Variants in SLC37A1 observed in about 807,000 individuals in gnomAD.
SLC37A1 encodes the protein solute carrier family 37 member 1.
In SLC37A1, 49 loss-of-function variants were observed where a neutral mutation model predicts 75.3. The ratio of observed to expected loss-of-function variants is 0.65; its 90% CI spans 0.52 to 0.83. The LOEUF (loss-of-function observed/expected upper bound fraction) is 0.83, where lower values mean the gene tolerates loss of function less well. Among genes scored for constraint, SLC37A1 ranks in the 40% least tolerant of loss-of-function variants. The pLI, the probability that SLC37A1 is intolerant of heterozygous loss-of-function variation, is 0.00. For missense variants in SLC37A1, 566 were observed against 695.0 expected, an observed-to-expected ratio of 0.81 and a Z score of 2.09; for synonymous variants, 268 against 292.1, an observed-to-expected ratio of 0.92 and a Z score of 0.84.
intron 8 of SLC37A1, 45 bp downstream of exon 8, chr21:42,543,647 G>A (rs765874550): frequency 1.1e-5 from 17 of 1,538,310 alleles, no homozygotes; most frequent in African/African-American, 4.2e-5. Context: ...GGGAGGCCTC[G>A]GATTTCCCTG....
intron 13 of SLC37A1, among the ~76,000 whole-genome samples, 163 bp downstream of exon 13, chr21:42,564,040 T>C (rs2055905853): frequency 6.6e-6 from 1 of 151,992 alleles, no homozygotes; most frequent in Admixed American, 6.6e-5. Context: ...GGTTTTATTG[T>C]CTCCCGTCCC....
chr21:42,523,166 G>C (rs1394345549), intron 2 of SLC37A1, among the ~76,000 whole-genome samples: 1 of 152,192 alleles, frequency 6.6e-6, no homozygotes, highest in Non-Finnish European at 1.5e-5. Flanking sequence ...CTGTAGAACT[G>C]GCACTGTGGT....
chr21:42,579,612 G>A (rs1379813361), intron 18 of SLC37A1, 124 bp from the exon 19 acceptor site: 24 of 539,088 alleles, frequency 4.5e-5, no homozygotes, highest in Admixed American at 8.9e-5. Context: ...CCACCCCAGG[G>A]AAGGTGCTGT....
At chr21:42,555,902 G>A (rs4568034) in intron 10 of SLC37A1, among the ~76,000 whole-genome samples, 23,628 of 152,214 alleles carry the variant, frequency 0.16, 2,828 homozygotes, top group African/African-American at 0.33. Context: ...CCCTTTCGGC[G>A]GGCCTGCCAT....
In SLC37A1 at chr21:42,552,866, C is replaced by G. The variant is rs2055591627; in HGVS notation, c.769-1196C>G. Among the ~76,000 whole-genome samples the G allele has an allele frequency of 6.6e-6, 1 of 152,208 alleles. No homozygotes were observed. Among genetic ancestry groups the G allele is most frequent in the Non-Finnish European group, 1.5e-5 (1 of 68,042 alleles). On this transcript the variant is annotated intron_variant, in intron 9 of 19. Coordinates refer to ENST00000352133, the MANE Select transcript of SLC37A1 (RefSeq NM_001320537.2). The surrounding 1 kb of genome is among the most constrained non-coding windows in gnomAD (Gnocchi z 4.2). ...GGACGGGGGGCCGAGTGCTGGGGAG[C>G]AGGAACCCATCTCTGCTTCTGCCTG...
At chr21:42,557,439 C>T (rs981109647) in intron 10 of SLC37A1, among the ~76,000 whole-genome samples, 8 of 152,274 alleles carry the variant, frequency 5.3e-5, no homozygotes, top group African/African-American at 7.2e-5. Flanking sequence ...AAACTCAAGT[C>T]GCCATTCTTT....
At chr21:42,521,900 G>A (rs1035146541) in intron 2 of SLC37A1, among the ~76,000 whole-genome samples, 1 of 152,200 alleles carries the variant, frequency 6.6e-6, no homozygotes, top group Non-Finnish European at 1.5e-5. Flanking sequence ...GAAACAACAG[G>A]AATTTACCCT....
chr21:42,544,290 G>GGA (rs1456691924), intron 8 of SLC37A1, among the ~76,000 whole-genome samples: 1 of 152,184 alleles, frequency 6.6e-6, no homozygotes, highest in Non-Finnish European at 1.5e-5. Context: ...CCATATGGCA[G>GGA]GAGACAGCTC....
chr21:42,567,419 A>G (rs771563450), intron 16 of SLC37A1, among the ~76,000 whole-genome samples: 6 of 152,348 alleles, frequency 3.9e-5, no homozygotes, highest in Non-Finnish European at 8.8e-5. Flanking sequence ...CTTCTCATCC[A>G]GGTACCATGC....
rs757010294 is a variant in SLC37A1 at position 42,568,441 on chromosome 21, GCGCA to G, written c.1423+4_1423+7del. Reference sequence around the variant, plus strand: ...CATTGACGGGACGGGCTCTGTAGGTGCGCAGAGAGTTTTAGCTCTGGGAGGTTTG... The same window carrying G: ...CATTGACGGGACGGGCTCTGTAGGTGGAGAGTTTTAGCTCTGGGAGGTTTG... On this transcript the variant is annotated splice_donor_5th_base_variant and intron_variant, in intron 17 of 19. Transcript: ENST00000352133. 1.9e-6 allele frequency: 3 copies of G among 1,613,680 alleles called. No homozygotes were observed. The Admixed American group carries it at 5.0e-5, about 27-fold the overall frequency.
intron 17 of SLC37A1, among the ~76,000 whole-genome samples, chr21:42,571,523 GT>G (rs1420723706): frequency 3.3e-5 from 5 of 152,132 alleles, no homozygotes; most frequent in Non-Finnish European, 5.9e-5. Context: ...GCGGCGTTCC[GT>G]CCCCCTCCCC....
chr21:42,578,589 G>C (rs929108400), intron 18 of SLC37A1, among the ~76,000 whole-genome samples: 4 of 152,142 alleles, frequency 2.6e-5, no homozygotes, highest in African/African-American at 9.7e-5. Context: ...TCACACAGAT[G>C]GATTTATTTA....
Position 42,548,682 on chromosome 21 carries a change from G to A in SLC37A1, c.768+1542G>A, listed in dbSNP as rs61667899. On this transcript the variant is annotated intron_variant, in intron 9 of 19. Coordinates refer to ENST00000352133, the MANE Select transcript of SLC37A1 (RefSeq NM_001320537.2). The surrounding 1 kb of genome is among the most constrained non-coding windows in gnomAD (Gnocchi z 5.6). ...TCTTCACACCGCACTTGCAGAGACTGTATTGATACAGACGCCAGAGCACAT... is the reference window on the plus strand; with the variant it reads ...TCTTCACACCGCACTTGCAGAGACTATATTGATACAGACGCCAGAGCACAT... Among the ~76,000 whole-genome samples the A allele has an allele frequency of 0.065, 9,853 of 152,252 alleles. 1,042 individuals carry two copies. The highest frequency in any genetic ancestry group is 0.22 in the African/African-American group (9,328 of 41,514).
chr21:42,563,552 C>T (rs1306220765), intron 12 of SLC37A1, among the ~76,000 whole-genome samples: 4 of 152,176 alleles, frequency 2.6e-5, no homozygotes, highest in Non-Finnish European at 4.4e-5. Context: ...AACTTTATGG[C>T]GGAGGGGCCC....
chr21:42,549,142 C>T lies in SLC37A1; in HGVS notation c.768+2002C>T, dbSNP rs143331776. Among the ~76,000 whole-genome samples, 547 of 152,264 alleles carry T rather than the reference C, an allele frequency of 3.6e-3. 5 individuals are homozygous for T. The highest frequency in any genetic ancestry group is 8.4e-3 in the Admixed American group (128 of 15,300). ...TGCCGTGAAGTAGCTTAAAGCTGCC[C>T]GGACCAGCCGTCTTGAGACTGGGGA... On this transcript the variant is annotated intron_variant, in intron 9 of 19. Coordinates refer to ENST00000352133, the MANE Select transcript of SLC37A1 (RefSeq NM_001320537.2).
chr21:42,552,214 C>G lies in SLC37A1; in HGVS notation c.769-1848C>G, dbSNP rs546435617. Among the ~76,000 whole-genome samples the G allele has an allele frequency of 3.3e-5, 5 of 152,294 alleles. No homozygotes were observed. The East Asian group carries it at 9.6e-4, about 29-fold the overall frequency. On this transcript the variant is annotated intron_variant, in intron 9 of 19. Coordinates refer to ENST00000352133, the MANE Select transcript of SLC37A1 (RefSeq NM_001320537.2). The surrounding 1 kb of genome is among the most constrained non-coding windows in gnomAD (Gnocchi z 4.2). ...CCTAGGTTACTTAGGTTTAGGATAT[C>G]TATTTTGTGCCCTAATCTAGGACCT...
chr21:42,520,061 T>C (rs980411694), intron 2 of SLC37A1, among the ~76,000 whole-genome samples: 3 of 152,182 alleles, frequency 2.0e-5, no homozygotes, highest in East Asian at 1.9e-4. Flanking sequence ...TCATACCCTC[T>C]TATTTGTAAA....
chr21:42,561,896 C>G, intron 11 of SLC37A1, 182 bp from the exon 12 acceptor site: 3 of 589,064 alleles, frequency 5.1e-6, no homozygotes, highest in South Asian at 2.1e-5. Flanking sequence ...CCACTGTTCC[C>G]GCGTCCTCAC....
At chr21:42,554,601 G>A (rs547229877) in intron 10 of SLC37A1, among the ~76,000 whole-genome samples, 2 of 152,310 alleles carry the variant, frequency 1.3e-5, no homozygotes, top group Admixed American at 6.5e-5. Context: ...GGTGAGGGGC[G>A]CACGGTGGGC....
Sources: allele counts gnomAD v4.1 joint callset (sites outside exome capture counted in the v4.1 genomes callset), GRCh38; gene constraint gnomAD v4.1.1; non-coding constraint Gnocchi (gnomAD v3.1); transcripts MANE v1.5; gene names NCBI Gene and HGNC (gene_info 2026-07-23, HGNC 2026-07-21).